SHC4: variants seen among roughly 807,000 people sequenced by gnomAD.
The protein encoded by SHC4 is SHC-transforming protein 4.
Under a neutral mutation model 69.4 loss-of-function variants are expected in SHC4, and 41 were observed. That is an observed-to-expected ratio of 0.59 (90% CI 0.46 to 0.77). SHC4 has a LOEUF of 0.77. Among genes scored for constraint, SHC4 ranks in the 30% least tolerant of loss-of-function variants. SHC4 has a pLI of 0.00. For synonymous variants in SHC4, 318 were observed against 299.3 expected, an observed-to-expected ratio of 1.06 and a Z score of -0.64; for missense variants, 777 against 783.8, an observed-to-expected ratio of 0.99 and a Z score of 0.10.
intron 11 of SHC4, among the ~76,000 whole-genome samples, chr15:48,834,226 G>A (rs1302111752): frequency 6.6e-6 from 1 of 152,020 alleles, no homozygotes; most frequent in Non-Finnish European, 1.5e-5. Flanking sequence ...TGCACCTATG[G>A]TTCCTTCTCT....
chr15:48,902,784 C>T (rs1900340567), intron 2 of SHC4, among the ~76,000 whole-genome samples: 1 of 152,172 alleles, frequency 6.6e-6, no homozygotes. Context: ...GACTTCATTG[C>T]TTTTCAGCCT....
At chr15:48,859,236 T>C (rs1324207648) in intron 6 of SHC4, among the ~76,000 whole-genome samples, 2 of 152,076 alleles carry the variant, frequency 1.3e-5, no homozygotes, top group Admixed American at 1.3e-4. Context: ...CCTCAAGGAA[T>C]CTCAGATATT....
Position 48,962,600 on chromosome 15 carries a change from C to A in SHC4, c.416G>T (p.Arg139Met). Residue 139 changes from arginine to methionine, a missense_variant, in exon 1 of 12, where the codon AGG (arginine) becomes ATG (methionine). Arg to Met is a moderately conservative substitution (Grantham distance 91). Transcript: ENST00000332408. ...GPSSPETSLS[R>M]SGTAPPPQQD... ...CTGCGGTGGAGGTGCAGTCCCGGAC[C>A]TACTTAAACTGGTTTCTGGGGAAGA... The A allele has an allele frequency of 6.2e-7, 1 of 1,613,944 alleles. No individual in the cohort carries two copies. The highest frequency in any genetic ancestry group is 8.5e-7 in the Non-Finnish European group (1 of 1,179,902).
Position 48,843,604 on chromosome 15 carries a change from G to A in SHC4, c.1304-16C>T. On this transcript the variant is annotated splice_polypyrimidine_tract_variant and intron_variant, in intron 9 of 11. Coordinates refer to ENST00000332408, the MANE Select transcript of SHC4 (RefSeq NM_203349.4). Reference sequence around the variant, plus strand: ...TGGACATTACCTGTAGTGATTAGTAGTGATCAATACATTATGTTTTTTCTT... The same window carrying A: ...TGGACATTACCTGTAGTGATTAGTAATGATCAATACATTATGTTTTTTCTT... The A allele has an allele frequency of 6.2e-7, 1 of 1,600,720 alleles. No individual in the cohort carries two copies. Among genetic ancestry groups the A allele is most frequent in the African/African-American group, 1.3e-5 (1 of 74,682 alleles).
At chr15:48,855,710 ATGT>A (rs1899299975) in intron 8 of SHC4, among the ~76,000 whole-genome samples, 1 of 152,084 alleles carries the variant, frequency 6.6e-6, no homozygotes, top group Non-Finnish European at 1.5e-5. Context: ...TGAGGATAAC[ATGT>A]TGGATCGCCT....
intron 1 of SHC4, among the ~76,000 whole-genome samples, chr15:48,956,918 C>A (rs2141042403): frequency 6.6e-6 from 1 of 151,414 alleles, no homozygotes; most frequent in South Asian, 2.1e-4. Context: ...TTTTAAGCAG[C>A]ATTTTGTTCA....
chr15:48,960,667 A>G (rs1022996186), intron 1 of SHC4, among the ~76,000 whole-genome samples: 2 of 152,176 alleles, frequency 1.3e-5, no homozygotes, highest in Non-Finnish European at 2.9e-5. Context: ...TCTGTAATAC[A>G]GTTCTTGGGC....
At position 48,868,845 on chromosome 15, in the gene SHC4, A is replaced by G. The variant is rs558618924; in HGVS notation, c.895-976T>C. Among the ~76,000 whole-genome samples the G allele has an allele frequency of 4.6e-5, 7 of 152,372 alleles. No individual in the cohort carries two copies. The East Asian group carries it at 9.6e-4, about 21-fold the overall frequency. ...CTGAGTAAATTTCTCTTACGCAAAAAGAAAAAAGGTTTTAAATATCCTCTA... is the reference window on the plus strand; with the variant it reads ...CTGAGTAAATTTCTCTTACGCAAAAGGAAAAAAGGTTTTAAATATCCTCTA... On this transcript the variant is annotated intron_variant, in intron 5 of 11. Transcript: ENST00000332408.
chr15:48,877,397 A>T (rs1350441529), intron 4 of SHC4: 1 of 952,552 alleles, frequency 1.0e-6, no homozygotes, highest in African/African-American at 1.8e-5. Context: ...TCCTGTAAGT[A>T]TACACAGTCA....
intron 2 of SHC4, among the ~76,000 whole-genome samples, chr15:48,909,937 T>G (rs1384979883): frequency 2.0e-5 from 3 of 152,174 alleles, no homozygotes; most frequent in Non-Finnish European, 4.4e-5. Flanking sequence ...TTTTTTGATA[T>G]GTTGTTGGAT....
intron 5 of SHC4, 39 bp downstream of exon 5, chr15:48,872,050 T>G: frequency 7.4e-7 from 1 of 1,346,182 alleles, no homozygotes; most frequent in Non-Finnish European, 1.0e-6. Context: ...AAGAAGTTAT[T>G]TTAACTCATA....
intron 5 of SHC4, 76 bp downstream of exon 5, chr15:48,872,012 AT>A: frequency 1.1e-6 from 1 of 902,524 alleles, no homozygotes; most frequent in Non-Finnish European, 1.7e-6. Context: ...AAGTTATTTT[AT>A]TTTATTATCA....
chr15:48,851,128 TG>T, intron 9 of SHC4, 59 bp downstream of exon 9: 1 of 1,528,800 alleles, frequency 6.5e-7, no homozygotes, highest in Non-Finnish European at 9.0e-7. Flanking sequence ...GGGCCACATA[TG>T]TCCATAGGAC....
intron 2 of SHC4, among the ~76,000 whole-genome samples, chr15:48,907,687 A>G (rs965221563): frequency 2.0e-5 from 3 of 151,802 alleles, no homozygotes; most frequent in Non-Finnish European, 4.4e-5. Context: ...GAGTTACTTC[A>G]CTTAGAATAA....
intron 6 of SHC4, among the ~76,000 whole-genome samples, chr15:48,858,215 G>A (rs1045573572): frequency 1.9e-4 from 29 of 152,152 alleles, no homozygotes; most frequent in Non-Finnish European, 1.2e-4. Flanking sequence ...TCTTTGCACG[G>A]TATGTTATGG....
intron 1 of SHC4, among the ~76,000 whole-genome samples, chr15:48,940,019 G>A (rs1901145937): frequency 6.6e-6 from 1 of 152,250 alleles, no homozygotes; most frequent in Non-Finnish European, 1.5e-5. Flanking sequence ...TGGGGCAGCG[G>A]AAGGATGGGC....
In SHC4 at chr15:48,884,216, T is replaced by G. The variant is rs372954500; in HGVS notation, c.840+32A>C. The G allele has an allele frequency of 3.6e-5, 57 of 1,571,664 alleles. No homozygotes were observed. The African/African-American group carries it at 7.3e-4, about 20-fold the overall frequency. On this transcript the variant is annotated intron_variant, in intron 4 of 11. Transcript: ENST00000332408. ...CCACGCTTCTCTGAAAAAATAGATA[T>G]GTTTATCTATAAATGACATTTGTGA...
rs184469377 is a variant in SHC4, at chr15:48,895,542, C to T, written c.657-4731G>A. On this transcript the variant is annotated intron_variant, in intron 2 of 11. Transcript: ENST00000332408. ...GGGCTGACTCTAGAAAAGGCTTACT[C>T]GGATGCCCCTGCCCTTCCCCAGCCC... 3.2e-3 allele frequency among the ~76,000 whole-genome samples: 484 copies of T among 152,226 alleles called. 3 individuals are homozygous for T. Among genetic ancestry groups the T allele is most frequent in the African/African-American group, 0.011 (451 of 41,568 alleles).
At chr15:48,883,963 C>G (rs1270325671) in intron 4 of SHC4, among the ~76,000 whole-genome samples, 1 of 152,168 alleles carries the variant, frequency 6.6e-6, no homozygotes, top group Non-Finnish European at 1.5e-5. Context: ...ATGACCAATT[C>G]AAGGATATGA....
Sources: allele counts gnomAD v4.1 joint callset (sites outside exome capture counted in the v4.1 genomes callset), GRCh38; gene constraint gnomAD v4.1.1; transcripts MANE v1.5; gene names NCBI Gene and HGNC (gene_info 2026-07-23, HGNC 2026-07-21).